Variants in LRP1B observed in about 807,000 individuals in gnomAD.
The protein encoded by LRP1B is LDL receptor related protein 1B, also known as low-density lipoprotein receptor-related protein 1B.
A neutral mutation model predicts 556.6 loss-of-function variants in LRP1B; 217 were observed. The ratio of observed to expected loss-of-function variants is 0.39; its 90% CI spans 0.35 to 0.44. The LOEUF is 0.44. Ranked by LOEUF, LRP1B falls within the 20% of genes least tolerant of loss-of-function variation. The pLI is 1.00. For missense variants in LRP1B, 5,053 were observed against 5,620.8 expected (o/e 0.90, Z 3.23); for synonymous variants, 2,047 against 1,865.8 (o/e 1.10, Z -2.50).
chr2:141,268,196 C>A (rs536620984), intron 3 of LRP1B, among the ~76,000 whole-genome samples: 1 of 152,230 alleles, frequency 6.6e-6, no homozygotes, highest in South Asian at 2.1e-4. Flanking sequence ...AACAACTGAA[C>A]ATATTCTTCA....
intron 2 of LRP1B, among the ~76,000 whole-genome samples, chr2:141,534,225 G>T (rs1210160006): frequency 6.6e-6 from 1 of 152,152 alleles, no homozygotes; most frequent in Admixed American, 6.6e-5. Flanking sequence ...GTGTTCAGAT[G>T]AGGACTGACA....
At chr2:142,109,231 C>T (rs911065166) in intron 1 of LRP1B, among the ~76,000 whole-genome samples, 5 of 152,236 alleles carry the variant, frequency 3.3e-5, no homozygotes, top group Non-Finnish European at 5.9e-5. Context: ...CATTATGGAC[C>T]TCAGTGGACT....
At chr2:140,268,783 AT>A (rs1573711550) in intron 86 of LRP1B, among the ~76,000 whole-genome samples, 2 of 152,004 alleles carry the variant, frequency 1.3e-5, no homozygotes, top group Non-Finnish European at 1.5e-5. Flanking sequence ...ATTTCTGGAA[AT>A]TTTTCAGACT....
chr2:140,517,338 G>A (rs562561462), intron 49 of LRP1B, among the ~76,000 whole-genome samples: 26 of 152,182 alleles, frequency 1.7e-4, no homozygotes, highest in African/African-American at 5.8e-4. Flanking sequence ...AAATAGATAC[G>A]ACTCTAAATT....
At chr2:140,386,152 C>G (rs1185717331) in intron 66 of LRP1B, 143 bp from the exon 67 acceptor site, 2 of 637,786 alleles carry the variant, frequency 3.1e-6, no homozygotes, top group Non-Finnish European at 5.6e-6. Flanking sequence ...AAATTGAAGG[C>G]AAGTGCTGAG....
intron 2 of LRP1B, among the ~76,000 whole-genome samples, chr2:141,602,267 A>G (rs947611547): frequency 5.9e-5 from 9 of 152,184 alleles, no homozygotes; most frequent in Admixed American, 5.9e-4. Flanking sequence ...TCTTTGCACC[A>G]TAAATCTGGT....
chr2:140,733,061 T>G (rs1260699718), intron 35 of LRP1B, among the ~76,000 whole-genome samples: 1 of 152,138 alleles, frequency 6.6e-6, no homozygotes, highest in African/African-American at 2.4e-5. Context: ...CCTTGAGCTA[T>G]AAGCCTCATA....
chr2:140,644,769 A>G (rs1684420765), intron 41 of LRP1B, among the ~76,000 whole-genome samples: 1 of 152,140 alleles, frequency 6.6e-6, no homozygotes, highest in Non-Finnish European at 1.5e-5. Context: ...GTCCTGGTAT[A>G]TGACCCCATG....
In LRP1B at chr2:140,350,696, A is replaced by G. The variant is rs905355086; in HGVS notation, c.11892+101T>C. Reference sequence around the variant, plus strand: ...GAGAATATTGGGAGAATAATTGAATATATTACTTAGTATAATTAGATATTA... The same window carrying G: ...GAGAATATTGGGAGAATAATTGAATGTATTACTTAGTATAATTAGATATTA... On this transcript the variant is annotated intron_variant, in intron 77 of 90. Coordinates refer to ENST00000389484, the MANE Select transcript of LRP1B (RefSeq NM_018557.3). 1.1e-5 allele frequency: 11 copies of G among 965,260 alleles called. No homozygotes were observed. In the Admixed American group the frequency reaches 1.3e-4, roughly 11 times the overall value. The allele number at this position is 965,260 out of a possible 1,614,324, so 59.8% of individuals were successfully genotyped here. A position where few individuals can be genotyped will look rare whatever the true frequency, so the allele number is the denominator to read the frequency against.
rs2105327663 is a variant in LRP1B at position 141,247,330 on chromosome 2, C to A, written c.488G>T (p.Gly163Val). The A allele has an allele frequency of 1.2e-6, 2 of 1,613,722 alleles. No individual in the cohort carries two copies. Among genetic ancestry groups the A allele is most frequent in the Non-Finnish European group, 1.7e-6 (2 of 1,179,744 alleles). ...CKDQDECAVY[G>V]TCSQTCRNTH... Reference sequence around the variant, plus strand: ...GTTTCTGCAGGTCTGGCTGCATGTACCATAAACAGCACATTCATCTTGATC... The same window carrying A: ...GTTTCTGCAGGTCTGGCTGCATGTAACATAAACAGCACATTCATCTTGATC... Residue 163 changes from glycine (G) to valine (V), a missense_variant, in exon 5 of 91, where the codon GGT becomes GTT. Physicochemically the swap from Gly to Val is moderately radical, Grantham distance 109. Around this residue, in one of 5 missense-constraint regions of LRP1B, gnomAD observed 3,619 missense variants for 3,931.9 expected, o/e 0.92. Transcript: ENST00000389484.
intron 35 of LRP1B, among the ~76,000 whole-genome samples, chr2:140,735,878 A>C (rs560259033): frequency 6.6e-6 from 1 of 152,284 alleles, no homozygotes; most frequent in African/African-American, 2.4e-5. Flanking sequence ...TAGCTGCACA[A>C]CCAGAAAGGA....
intron 2 of LRP1B, among the ~76,000 whole-genome samples, chr2:141,752,581 T>C (rs762022221): frequency 1.3e-5 from 2 of 152,108 alleles, no homozygotes; most frequent in Non-Finnish European, 2.9e-5. Context: ...TGGATTGGAA[T>C]GACCTGGGTA....
Position 140,462,231 on chromosome 2 carries a change from C to A in LRP1B, c.9626-4580G>T, listed in dbSNP as rs112174454. ...TTATCCCAAGTAAAGGCTCATATCC[C>A]CTCACACCAGGAATACTGCAAAATT... On this transcript the variant is annotated intron_variant, in intron 60 of 90. Transcript: ENST00000389484. 5.0e-3 allele frequency among the ~76,000 whole-genome samples: 757 copies of A among 152,220 alleles called. 9 individuals are homozygous for A. The highest frequency in any genetic ancestry group is 0.016 in the African/African-American group (651 of 41,540).
At chr2:141,207,840 T>G (rs1459155425) in intron 6 of LRP1B, among the ~76,000 whole-genome samples, 1 of 152,160 alleles carries the variant, frequency 6.6e-6, no homozygotes, top group African/African-American at 2.4e-5. Flanking sequence ...CACGCCTGGC[T>G]TATTTTTGTA....
intron 41 of LRP1B, among the ~76,000 whole-genome samples, chr2:140,674,098 AC>A (rs1243803530): frequency 6.6e-6 from 1 of 151,616 alleles, no homozygotes; most frequent in African/African-American, 2.4e-5. Flanking sequence ...ACAGGCGCCC[AC>A]CACCACGCCT....
At chr2:141,330,783 C>T (rs1291293198) in intron 3 of LRP1B, among the ~76,000 whole-genome samples, 1 of 136,352 alleles carries the variant, frequency 7.3e-6, no homozygotes, top group Non-Finnish European at 1.5e-5. Context: ...GACAGAGTCT[C>T]GCTCCGTCGC....
Position 141,045,035 on chromosome 2 carries a change from G to A in LRP1B, c.1789+3951C>T, listed in dbSNP as rs572409053. ...GGAACCAACCCAAATGTCCAACAAT[G>A]ATAGACTGGATTAAGAAAACGTGGC... On this transcript the variant is annotated intron_variant, in intron 11 of 90. Transcript: ENST00000389484. Among the ~76,000 whole-genome samples the A allele has an allele frequency of 1.6e-4, 25 of 151,650 alleles. No homozygotes were observed. The South Asian group carries it at 4.2e-3, about 25-fold the overall frequency.
intron 10 of LRP1B, among the ~76,000 whole-genome samples, chr2:141,052,941 T>C (rs1488466503): frequency 6.6e-6 from 1 of 152,050 alleles, no homozygotes; most frequent in Non-Finnish European, 1.5e-5. Flanking sequence ...CTCGCCCTTG[T>C]TGTTACTTCT....
chr2:140,583,291 C>T (rs1251652584), intron 43 of LRP1B, among the ~76,000 whole-genome samples: 1 of 149,876 alleles, frequency 6.7e-6, no homozygotes, highest in East Asian at 2.0e-4. Context: ...TCTCGTGCCT[C>T]GGCCACCCAA....
Sources: allele counts gnomAD v4.1 joint callset (sites outside exome capture counted in the v4.1 genomes callset), GRCh38; gene constraint gnomAD v4.1.1; regional missense constraint gnomAD v4.1.1; transcripts MANE v1.5; gene names NCBI Gene and HGNC (gene_info 2026-07-23, HGNC 2026-07-21).